The following PRELID2 variants were observed in gnomAD, a reference collection of about 807,000 sequenced individuals.
PRELID2 encodes the protein PRELI domain containing 2.
A neutral mutation model predicts 28.4 loss-of-function variants in PRELID2; 25 were observed. That is an observed-to-expected ratio of 0.88 (90% CI 0.64 to 1.23). The LOEUF is 1.23. Among genes scored for constraint, PRELID2 ranks in the 50% most tolerant of loss-of-function variants. The pLI is 0.00. For missense variants in PRELID2, 201 were observed against 214.4 expected (o/e 0.94, Z 0.39); for synonymous variants, 76 against 71.6 (o/e 1.06, Z -0.31).
intron 1 of PRELID2, among the ~76,000 whole-genome samples, chr5:145,617,478 C>T (rs148090279): frequency 1.8e-4 from 27 of 152,288 alleles, no homozygotes; most frequent in Admixed American, 1.4e-3. Context: ...TCCCTCCGTT[C>T]GGGGTTCCTG....
intron 5 of PRELID2, among the ~76,000 whole-genome samples, chr5:145,787,691 C>T (rs565206209): frequency 6.6e-6 from 1 of 151,984 alleles, no homozygotes; most frequent in African/African-American, 2.4e-5. Context: ...AGGCATGCAA[C>T]AACATGCCCA....
the PRELID2 span, among the ~76,000 whole-genome samples, chr5:145,297,892 C>T: frequency 6.6e-6 from 1 of 151,966 alleles, no homozygotes; most frequent in African/African-American, 2.4e-5. Flanking sequence ...GAATAAAATA[C>T]CTAGGAATCC....
At chr5:145,377,092 T>G in the PRELID2 span, among the ~76,000 whole-genome samples, 3 of 152,212 alleles carry the variant, frequency 2.0e-5, no homozygotes, top group African/African-American at 4.8e-5. Context: ...GATGTATATT[T>G]GTTGTCATTA....
chr5:145,814,718 A>G (rs1374815147), intron 4 of PRELID2, among the ~76,000 whole-genome samples: 1 of 152,234 alleles, frequency 6.6e-6, no homozygotes, highest in East Asian at 1.9e-4. Context: ...TAACAAAAAA[A>G]AACAGATAAT....
chr5:145,705,362 TGTGGG>T (rs772759648), intron 1 of PRELID2, among the ~76,000 whole-genome samples: 5 of 139,786 alleles, frequency 3.6e-5, no homozygotes, highest in African/African-American at 8.7e-5. Flanking sequence ...AGCTAATTTT[TGTGGG>T]TTTTTTTTGT....
chr5:145,716,000 T>G (rs1336461251), intron 1 of PRELID2, among the ~76,000 whole-genome samples: 1 of 152,214 alleles, frequency 6.6e-6, no homozygotes, highest in Non-Finnish European at 1.5e-5. Context: ...TGGCTTTGAA[T>G]GTGGCCCAAC....
intron 1 of PRELID2, among the ~76,000 whole-genome samples, chr5:145,476,545 T>G (rs1752103277): frequency 6.6e-6 from 1 of 151,974 alleles, no homozygotes; most frequent in South Asian, 2.1e-4. Flanking sequence ...CTTGGGAGGC[T>G]GAGGCAGGAG....
chr5:145,537,480 C>T (rs533626740), intron 1 of PRELID2, among the ~76,000 whole-genome samples: 9 of 151,856 alleles, frequency 5.9e-5, no homozygotes, highest in Non-Finnish European at 1.3e-4. Context: ...CTCAGCAACA[C>T]TTGTTTTCTT....
chr5:145,780,612 T>A (rs909080025), intron 5 of PRELID2, among the ~76,000 whole-genome samples: 2 of 152,238 alleles, frequency 1.3e-5, no homozygotes, highest in African/African-American at 2.4e-5. Context: ...TAAGTTTTTT[T>A]AATTTTGTTT....
At chr5:145,675,304 A>G (rs1290822005) in intron 1 of PRELID2, among the ~76,000 whole-genome samples, 2 of 151,488 alleles carry the variant, frequency 1.3e-5, no homozygotes, top group Non-Finnish European at 2.9e-5. Flanking sequence ...ACTTAATCTT[A>G]CTAATAATAA....
At chr5:145,816,483 C>A (rs921688255) in intron 4 of PRELID2, among the ~76,000 whole-genome samples, 4 of 152,136 alleles carry the variant, frequency 2.6e-5, no homozygotes, top group Non-Finnish European at 4.4e-5. Flanking sequence ...TTTTTGCTAT[C>A]ATATCTAAGA....
chr5:145,738,935 A>T (rs1756572557), intron 1 of PRELID2, among the ~76,000 whole-genome samples: 1 of 152,210 alleles, frequency 6.6e-6, no homozygotes, highest in Non-Finnish European at 1.5e-5. Context: ...ATCTTAAAAA[A>T]CTGTGAGAGG....
rs1554078629 is a variant in PRELID2 at position 145,604,882 on chromosome 5, C to CATATACATAT, written n.71-131568_71-131567insATATGTATAT. Among the ~76,000 whole-genome samples the CATATACATAT allele has an allele frequency of 7.7e-4, 89 of 116,144 alleles. 1 individual carries two copies. Among genetic ancestry groups the CATATACATAT allele is most frequent in the African/African-American group, 3.3e-3 (87 of 26,338 alleles). 76.2% of individuals were successfully genotyped at this position (116,144 alleles called of 152,430 possible). ...ACCATATTTTAATATGCTTGTTGGCCATATATATATATATATATATATTCT... is the reference window on the plus strand; with the variant it reads ...ACCATATTTTAATATGCTTGTTGGCCATATACATATATATATATATATATATATATATTCT... On this transcript the variant is annotated intron_variant and non_coding_transcript_variant, in intron 1 of 2. Transcript: ENST00000510259.
chr5:145,377,990 T>A, the PRELID2 span, among the ~76,000 whole-genome samples: 1 of 152,202 alleles, frequency 6.6e-6, no homozygotes, highest in South Asian at 2.1e-4. Context: ...GTTCTGGTGA[T>A]AACAAATTCC....
intron 1 of PRELID2, among the ~76,000 whole-genome samples, chr5:145,695,096 CA>C (rs1463275620): frequency 6.6e-6 from 1 of 152,154 alleles, no homozygotes; most frequent in Non-Finnish European, 1.5e-5. Context: ...TATGGTCAAA[CA>C]TCACTAACAA....
chr5:145,466,038 G>A, the PRELID2 span, among the ~76,000 whole-genome samples: 3 of 152,076 alleles, frequency 2.0e-5, no homozygotes, highest in Non-Finnish European at 2.9e-5. Flanking sequence ...GTCAGAATGT[G>A]TGTGAGCAGA....
chr5:145,249,132 A>G, the PRELID2 span, among the ~76,000 whole-genome samples: 1 of 152,298 alleles, frequency 6.6e-6, no homozygotes, highest in East Asian at 1.9e-4. Flanking sequence ...TTACAAAGCC[A>G]CAAATTAGCT....
At chr5:145,598,908 A>G (rs61369168) in intron 1 of PRELID2, among the ~76,000 whole-genome samples, 10,875 of 152,260 alleles carry the variant, frequency 0.071, 584 homozygotes, top group Admixed American at 0.18. Flanking sequence ...TAAGCTAAAT[A>G]CTCAAAGAAT....
chr5:145,437,139 T>C, the PRELID2 span: 1 of 152,180 alleles, frequency 6.6e-6, no homozygotes, highest in Non-Finnish European at 1.5e-5. Flanking sequence ...GCTGATAAAC[T>C]GTCTCTGACT....
Sources: allele counts gnomAD v4.1 joint callset (sites outside exome capture counted in the v4.1 genomes callset), GRCh38; gene constraint gnomAD v4.1.1; transcripts MANE v1.5; gene names NCBI Gene and HGNC (gene_info 2026-07-23, HGNC 2026-07-21).